Variants in COL4A2 observed in about 807,000 individuals in gnomAD.
The protein encoded by COL4A2 is collagen alpha-2(IV) chain.
Under a neutral mutation model 200.2 loss-of-function variants are expected in COL4A2, and 99 were observed. That is an observed-to-expected ratio of 0.49 (90% CI 0.42 to 0.58). COL4A2 has a LOEUF of 0.58. Among genes scored for constraint, COL4A2 ranks in the 20% least tolerant of loss-of-function variants. The pLI is 0.00. For synonymous variants in COL4A2, 897 were observed against 900.6 expected (o/e 1.00, Z 0.07); for missense variants, 1,950 against 2,314.1 (o/e 0.84, Z 3.23).
rs373076094 is a variant in COL4A2 at position 110,428,502 on chromosome 13, G to C, written c.396G>C (p.Pro132=). The change falls in exon 7 of 48, where the codon CCG becomes CCC. Residue 132 remains proline, a synonymous_variant. Transcript: ENST00000360467. ...HPGQGGPRGR[P]GYDGCNGTQG... is the part of the protein sequence containing the mutation. Reference sequence around the variant, plus strand: ...GGCAAGGTGGGCCCAGGGGAAGGCCGGGCTACGATGGCTGCAACGGAACCC... The same window carrying C: ...GGCAAGGTGGGCCCAGGGGAAGGCCCGGCTACGATGGCTGCAACGGAACCC... The C allele has an allele frequency of 6.3e-6, 10 of 1,584,984 alleles. No individual in the cohort carries two copies. In the South Asian group the frequency reaches 1.1e-4, roughly 18 times the overall value.
chr13:110,380,793 T>C (rs374421004), intron 4 of COL4A2, among the ~76,000 whole-genome samples: 1 of 148,958 alleles, frequency 6.7e-6, no homozygotes, highest in Admixed American at 6.7e-5. Flanking sequence ...ACGGGCTCTA[T>C]GTCACACCCA....
At chr13:110,360,419 A>G (rs1213886012) in intron 4 of COL4A2, among the ~76,000 whole-genome samples, 4 of 152,198 alleles carry the variant, frequency 2.6e-5, no homozygotes, top group African/African-American at 9.7e-5. Flanking sequence ...TTATTTCAGT[A>G]TATAATGGCA....
intron 33 of COL4A2, among the ~76,000 whole-genome samples, chr13:110,485,253 G>C (rs1032791129): frequency 1.3e-5 from 2 of 152,220 alleles, no homozygotes; most frequent in Non-Finnish European, 2.9e-5. Context: ...GCCGGGCGCG[G>C]TGGCTCACGC....
chr13:110,386,369 C>A (rs1878750594), intron 4 of COL4A2, among the ~76,000 whole-genome samples: 1 of 152,192 alleles, frequency 6.6e-6, no homozygotes, highest in South Asian at 2.1e-4. Flanking sequence ...AGAAGAGAGA[C>A]TCAGGTGTGT....
intron 4 of COL4A2, among the ~76,000 whole-genome samples, chr13:110,415,739 G>T (rs1880017032): frequency 6.6e-6 from 1 of 152,252 alleles, no homozygotes; most frequent in South Asian, 2.1e-4. Flanking sequence ...AAGACAGGCG[G>T]CCTGCTTGCT....
chr13:110,331,803 T>C (rs549618473), intron 3 of COL4A2, among the ~76,000 whole-genome samples: 1 of 152,338 alleles, frequency 6.6e-6, no homozygotes, highest in East Asian at 1.9e-4. Flanking sequence ...TTGGTTATTC[T>C]CTCTGTGATC....
intron 3 of COL4A2, among the ~76,000 whole-genome samples, chr13:110,352,735 A>G (rs1490502334): frequency 1.3e-5 from 2 of 152,074 alleles, no homozygotes; most frequent in Admixed American, 6.5e-5. Context: ...CTGTGTGCCT[A>G]TGAGGAGGTG....
intron 3 of COL4A2, among the ~76,000 whole-genome samples, chr13:110,310,467 C>CA (rs11306630): frequency 2.6e-5 from 4 of 151,862 alleles, no homozygotes; most frequent in Non-Finnish European, 5.9e-5. Flanking sequence ...CTAACTCAAC[C>CA]AAAAAAAATA....
Position 110,503,469 on chromosome 13 carries a change from C to A in COL4A2, c.4126C>A (p.Pro1376Thr). 2 of 1,560,090 alleles carry A rather than the reference C, an allele frequency of 1.3e-6. No individual in the cohort carries two copies. Among genetic ancestry groups the A allele is most frequent in the Non-Finnish European group, 1.7e-6 (2 of 1,149,480 alleles). The change falls in exon 43 of 48, where the codon CCA (proline) becomes ACA (threonine). Residue 1376 changes from proline to threonine, a missense_variant. Pro to Thr is a conservative substitution (Grantham distance 38, BLOSUM62 -1). This residue lies in a region of COL4A2 where 1,385 missense variants were observed against 1,720.5 expected (regional missense o/e 0.80). Coordinates refer to ENST00000360467, the MANE Select transcript of COL4A2 (RefSeq NM_001846.4). ...AGGCCCCAAGGGACCCAAGGGAGAC[C>A]CAGGATTCCCTGGTAAGTGACCGTC... is the stretch of plus-strand genomic sequence containing the variant. ...DRGPKGPKGD[P>T]GFPGAPGTVG...
intron 23 of COL4A2, 36 bp from the exon 24 acceptor site, chr13:110,462,242 C>G (rs1257150555): frequency 1.2e-6 from 2 of 1,614,144 alleles, no homozygotes; most frequent in South Asian, 1.1e-5. Context: ...CTGTGGGCAC[C>G]TGCCTGGGCA....
intron 3 of COL4A2, among the ~76,000 whole-genome samples, chr13:110,345,386 G>A (rs942042809): frequency 5.3e-5 from 8 of 152,170 alleles, no homozygotes; most frequent in African/African-American, 1.7e-4. Flanking sequence ...GTGGATGCAG[G>A]GGAGCAGAAC....
At chr13:110,319,475 G>A (rs2139349556) in intron 3 of COL4A2, among the ~76,000 whole-genome samples, 1 of 152,244 alleles carries the variant, frequency 6.6e-6, no homozygotes, top group South Asian at 2.1e-4. Context: ...CAGAATCTTA[G>A]GAGAGAGTTT....
chr13:110,406,725 T>C (rs1174911074), intron 4 of COL4A2, among the ~76,000 whole-genome samples: 1 of 152,190 alleles, frequency 6.6e-6, no homozygotes, highest in East Asian at 1.9e-4. Flanking sequence ...ATACATTTTG[T>C]TCTCTCTCAT....
chr13:110,505,799 G>A (rs1031479722), intron 45 of COL4A2, among the ~76,000 whole-genome samples: 1 of 152,154 alleles, frequency 6.6e-6, no homozygotes, highest in African/African-American at 2.4e-5. Context: ...CCAGCGGAGG[G>A]AGGCCACTGC....
intron 12 of COL4A2, among the ~76,000 whole-genome samples, chr13:110,435,857 A>C (rs1028279561): frequency 2.0e-5 from 3 of 152,166 alleles, no homozygotes; most frequent in Admixed American, 2.0e-4. Context: ...TAGCTGGGGA[A>C]GTAGTCTTTC....
chr13:110,456,205 G>A (rs991855588), intron 20 of COL4A2, among the ~76,000 whole-genome samples: 2 of 152,254 alleles, frequency 1.3e-5, no homozygotes, highest in African/African-American at 4.8e-5. Context: ...TTTACAAGGG[G>A]AAGGTGGTGG....
chr13:110,354,174 G>A (rs1264528633), intron 3 of COL4A2, among the ~76,000 whole-genome samples: 4 of 152,186 alleles, frequency 2.6e-5, no homozygotes, highest in African/African-American at 9.7e-5. Context: ...GAGGATATGA[G>A]TTGATGCTTT....
chr13:110,448,420 C>T (rs1221385385), intron 18 of COL4A2, among the ~76,000 whole-genome samples: 1 of 152,168 alleles, frequency 6.6e-6, no homozygotes, highest in Non-Finnish European at 1.5e-5. Context: ...AGGTTGCCTG[C>T]CGCCTTTTCT....
intron 3 of COL4A2, among the ~76,000 whole-genome samples, chr13:110,310,122 T>G (rs1311503717): frequency 6.6e-6 from 1 of 152,246 alleles, no homozygotes; most frequent in Non-Finnish European, 1.5e-5. Context: ...CTAAGGCAGA[T>G]AGGACACCTC....
Sources: gnomAD v4.1 joint callset for allele counts (sites outside exome capture counted in the v4.1 genomes callset) on GRCh38, gnomAD v4.1.1 for gene constraint, gnomAD v4.1.1 regional missense constraint, MANE v1.5 for transcripts, NCBI Gene and HGNC (gene_info 2026-07-23, HGNC 2026-07-21) for gene names.